Variants in SYPL1 observed in about 807,000 individuals in gnomAD.
SYPL1 encodes the protein synaptophysin-like protein 1.
A neutral mutation model predicts 23.7 loss-of-function variants in SYPL1; 6 were observed. The ratio of observed to expected loss-of-function variants is 0.25; its 90% CI spans 0.14 to 0.50. The LOEUF is 0.50. Among genes scored for constraint, SYPL1 ranks in the 20% least tolerant of loss-of-function variants. SYPL1 has a pLI of 0.98. For missense variants in SYPL1, 253 were observed against 288.9 expected, an observed-to-expected ratio of 0.88 and a Z score of 0.90; for synonymous variants, 102 against 104.5, an observed-to-expected ratio of 0.98 and a Z score of 0.15.
intron 1 of SYPL1, among the ~76,000 whole-genome samples, chr7:106,101,726 C>A (rs1056618753): frequency 6.9e-6 from 1 of 145,138 alleles, no homozygotes; most frequent in African/African-American, 2.6e-5. Context: ...CATGAATACA[C>A]AGAGTGAAAA....
At position 106,111,702 on chromosome 7, in the gene SYPL1, C is replaced by G. The variant is rs577903443; in HGVS notation, c.69+438G>C. 2.1e-3 allele frequency: 316 copies of G among 152,978 alleles called. 1 individual carries two copies. The highest frequency in any genetic ancestry group is 7.2e-3 in the African/African-American group (300 of 41,626). The allele number at this position is 152,978 out of a possible 1,614,324, so 9.5% of individuals were successfully genotyped here. ...CGTCTACAAGACAAAATCGGCTTCC[C>G]AGGGAGCTAGACCTCGAGTGGGCAC... is the stretch of plus-strand genomic sequence containing the variant. On this transcript the variant is annotated intron_variant, in intron 1 of 4. Transcript: ENST00000455385.
rs1475331965 is a variant in SYPL1 at position 106,096,048 on chromosome 7, A to G, written c.402+1642T>C. On this transcript the variant is annotated intron_variant, in intron 3 of 4. Transcript: ENST00000455385. This position sits in a 1 kb window ranked among gnomAD's most constrained non-coding sequence, Gnocchi z 4.4. Reference sequence around the variant, plus strand: ...AAGAAATAGCTTCTAGTTATAAAGAATTTTAACAAAATATAATTATCTATA... The same window carrying G: ...AAGAAATAGCTTCTAGTTATAAAGAGTTTTAACAAAATATAATTATCTATA... 6.6e-6 allele frequency among the ~76,000 whole-genome samples: 1 copy of G among 152,222 alleles called. No individual in the cohort carries two copies. The highest frequency in any genetic ancestry group is 1.5e-5 in the Non-Finnish European group (1 of 68,036).
At chr7:106,107,751 A>G (rs1199655230) in intron 1 of SYPL1, among the ~76,000 whole-genome samples, 1 of 151,820 alleles carries the variant, frequency 6.6e-6, no homozygotes, top group Non-Finnish European at 1.5e-5. Context: ...CCAAAAAAAA[A>G]AAAAAAAAAA....
rs893647185 is a variant in SYPL1 at position 106,112,283 on chromosome 7, G to C, written c.-75C>G. ...GGACCGACGAGACCAGAGCAGCCCG[G>C]TGGCGAGGAAGGGCAGGCGGGGCTG... is the stretch of plus-strand genomic sequence containing the variant. On this transcript the variant is annotated 5_prime_UTR_variant, in exon 1 of 5. Transcript: ENST00000455385. 95 of 1,414,638 alleles carry C rather than the reference G, an allele frequency of 6.7e-5. No individual in the cohort carries two copies. In the African/African-American group the frequency reaches 1.2e-3, roughly 18 times the overall value. 87.6% of individuals were successfully genotyped at this position (1,414,638 alleles called of 1,614,324 possible).
chr7:106,096,814 A>AT lies in SYPL1; in HGVS notation c.402+875dup, dbSNP rs1254402827. Among the ~76,000 whole-genome samples, 1 of 152,192 alleles carries AT rather than the reference A, an allele frequency of 6.6e-6. No homozygotes were observed. Among genetic ancestry groups the AT allele is most frequent in the Non-Finnish European group, 1.5e-5 (1 of 68,036 alleles). ...TTTTGAAAAGGGCCAAATAGCAACT[A>AT]TTTTTTATCTCTGTTACAACTACTC... On this transcript the variant is annotated intron_variant, in intron 3 of 4. Coordinates refer to ENST00000455385, the MANE Select transcript of SYPL1 (RefSeq NM_182715.4). This position sits in a 1 kb window ranked among gnomAD's most constrained non-coding sequence, Gnocchi z 4.4.
intron 1 of SYPL1, among the ~76,000 whole-genome samples, chr7:106,101,981 TTTCCC>T (rs1270788869): frequency 6.6e-6 from 1 of 152,228 alleles, no homozygotes; most frequent in Non-Finnish European, 1.5e-5. Flanking sequence ...TGGAGCCTGA[TTTCCC>T]TTCCCTTGAG....
chr7:106,093,270 A>T (rs1839851119), intron 3 of SYPL1, 133 bp from the exon 4 acceptor site: 3 of 828,298 alleles, frequency 3.6e-6, no homozygotes, highest in Admixed American at 3.2e-5. Context: ...ATACTTTATT[A>T]AAAAAGTCAG....
At position 106,112,210 on chromosome 7, in the gene SYPL1, C is replaced by T. The variant is rs770080004; in HGVS notation, c.-2G>A. 1 of 1,542,394 alleles carries T rather than the reference C, an allele frequency of 6.5e-7. No individual in the cohort carries two copies. Among genetic ancestry groups the T allele is most frequent in the Admixed American group, 1.8e-5 (1 of 55,996 alleles). On this transcript the variant is annotated 5_prime_UTR_variant, in exon 1 of 5. Transcript: ENST00000455385. ...GAGGTTGATCTGGAAGCCGGACATC[C>T]TCTGAGGAAAGGAGGGAGAGAGAGT...
intron 1 of SYPL1, 21 bp downstream of exon 1, chr7:106,112,119 G>A (rs1289636661): frequency 5.6e-6 from 8 of 1,441,380 alleles, no homozygotes; most frequent in Non-Finnish European, 7.4e-6. Context: ...GGCGGGCCTG[G>A]CCGGCGCGGG....
intron 2 of SYPL1, 135 bp from the exon 3 acceptor site, chr7:106,098,032 C>A: frequency 1.4e-6 from 1 of 715,180 alleles, no homozygotes; most frequent in Non-Finnish European, 2.2e-6. Flanking sequence ...AAGTAAAATT[C>A]AAATATTATA....
intron 1 of SYPL1, among the ~76,000 whole-genome samples, chr7:106,110,477 C>T (rs780601448): frequency 1.8e-4 from 27 of 152,096 alleles, no homozygotes; most frequent in Non-Finnish European, 3.4e-4. Flanking sequence ...TTTTGTATGT[C>T]CTTCATCCTT....
Position 106,097,102 on chromosome 7 carries a change from G to A in SYPL1, c.402+588C>T, listed in dbSNP as rs1840052584. Among the ~76,000 whole-genome samples the A allele has an allele frequency of 6.6e-6, 1 of 152,144 alleles. No homozygotes were observed. Among genetic ancestry groups the A allele is most frequent in the African/African-American group, 2.4e-5 (1 of 41,418 alleles). On this transcript the variant is annotated intron_variant, in intron 3 of 4. Transcript: ENST00000455385. This position sits in a 1 kb window ranked among gnomAD's most constrained non-coding sequence, Gnocchi z 4.6. Reference sequence around the variant, plus strand: ...ATGGTGGCTTGTGACTGTAGTCCCAGCTACTCAGGAGGATCATTTGAGCCC... The same window carrying A: ...ATGGTGGCTTGTGACTGTAGTCCCAACTACTCAGGAGGATCATTTGAGCCC...
chr7:106,099,105 C>T, intron 2 of SYPL1, 53 bp downstream of exon 2: 1 of 1,569,792 alleles, frequency 6.4e-7, no homozygotes, highest in East Asian at 2.2e-5. Flanking sequence ...ATCTTAATGA[C>T]TCACTGTGAA....
chr7:106,093,144 C>A lies in SYPL1; in HGVS notation c.403-7G>T. ...CAAGTGTAACAACAAAGTCCTAAAG[C>A]AAAAATCAGTAAGAGTTAATAATGA... On this transcript the variant is annotated splice_region_variant and splice_polypyrimidine_tract_variant and intron_variant, in intron 3 of 4. Transcript: ENST00000455385. The A allele has an allele frequency of 6.3e-7, 1 of 1,581,640 alleles. No individual in the cohort carries two copies. Among genetic ancestry groups the A allele is most frequent in the Non-Finnish European group, 8.6e-7 (1 of 1,166,868 alleles).
In SYPL1 at chr7:106,109,514, C is replaced by G. The variant is rs1375262355; in HGVS notation, c.69+2626G>C. Among the ~76,000 whole-genome samples, 1 of 152,166 alleles carries G rather than the reference C, an allele frequency of 6.6e-6. No individual in the cohort carries two copies. Among genetic ancestry groups the G allele is most frequent in the Non-Finnish European group, 1.5e-5 (1 of 68,028 alleles). On this transcript the variant is annotated intron_variant, in intron 1 of 4. Transcript: ENST00000455385. The surrounding 1 kb of genome is among the most constrained non-coding windows in gnomAD (Gnocchi z 4.3). ...TTTCCCTCAATTTTCCTAACCATTC[C>G]TTCTCTCCTTTGCAGGCAGATATCT...
Position 106,093,300 on chromosome 7 carries a change from T to C in SYPL1, c.403-163A>G, listed in dbSNP as rs915478415. The C allele has an allele frequency of 3.0e-5, 18 of 599,956 alleles. No homozygotes were observed. The African/African-American group carries it at 3.0e-4, about 10-fold the overall frequency. The allele number at this position is 599,956 out of a possible 1,614,324, so 37.2% of individuals were successfully genotyped here. A position where few individuals can be genotyped will look rare whatever the true frequency, so the allele number is the denominator to read the frequency against. ...AGTCAGTCAGCATAGTAAACATTGC[T>C]GTTAGTGTTACAAGCACAGTGCCTG... is the stretch of plus-strand genomic sequence containing the variant. On this transcript the variant is annotated intron_variant, in intron 3 of 4. Transcript: ENST00000455385.
chr7:106,098,726 C>T (rs1398896121), intron 2 of SYPL1, among the ~76,000 whole-genome samples: 2 of 152,198 alleles, frequency 1.3e-5, no homozygotes, highest in African/African-American at 4.8e-5. Context: ...TCTTTATATA[C>T]ATATGTCTTA....
intron 4 of SYPL1, 151 bp downstream of exon 4, chr7:106,092,798 C>T (rs1326627168): frequency 6.1e-6 from 4 of 656,782 alleles, no homozygotes; most frequent in Non-Finnish European, 9.7e-6. Flanking sequence ...ACAAACTTTT[C>T]TTCACTAAAC....
At position 106,096,891 on chromosome 7, in the gene SYPL1, T is replaced by C. The variant is rs1410370330; in HGVS notation, c.402+799A>G. On this transcript the variant is annotated intron_variant, in intron 3 of 4. Coordinates refer to ENST00000455385, the MANE Select transcript of SYPL1 (RefSeq NM_182715.4). This position sits in a 1 kb window ranked among gnomAD's most constrained non-coding sequence, Gnocchi z 4.4. ...GCCATAGGCAATGTGTAAATGATTG[T>C]GTATGGCTGAGTTCCAAAAAAAACC... 6.6e-6 allele frequency among the ~76,000 whole-genome samples: 1 copy of C among 152,204 alleles called. No individual in the cohort carries two copies. The highest frequency in any genetic ancestry group is 6.5e-5 in the Admixed American group (1 of 15,282).
Sources: allele counts gnomAD v4.1 joint callset (sites outside exome capture counted in the v4.1 genomes callset), GRCh38; gene constraint gnomAD v4.1.1; non-coding constraint Gnocchi (gnomAD v3.1); transcripts MANE v1.5; gene names NCBI Gene and HGNC (gene_info 2026-07-23, HGNC 2026-07-21).